Variants in LYPD6B observed in about 807,000 individuals in gnomAD.
The protein encoded by LYPD6B is ly6/PLAUR domain-containing protein 6B.
Under a neutral mutation model 22.8 loss-of-function variants are expected in LYPD6B, and 17 were observed. That is an observed-to-expected ratio of 0.75 (90% CI 0.51 to 1.12). The LOEUF (loss-of-function observed/expected upper bound fraction) is 1.12. Among genes scored for constraint, LYPD6B ranks in the 50% most tolerant of loss-of-function variants. The pLI is 0.00. For synonymous variants in LYPD6B, 106 were observed against 91.6 expected (o/e 1.16, Z -0.90); for missense variants, 221 against 258.3 (o/e 0.86, Z 0.99).
intron 1 of LYPD6B, among the ~76,000 whole-genome samples, chr2:149,040,217 CTCTCTT>C (rs1269461455): frequency 4.1e-4 from 2 of 4,856 alleles, no homozygotes; most frequent in Non-Finnish European, 0.013. Context: ...CTCTCTCTCT[CTCTCTT>C]TTTTTTTTTT....
chr2:149,168,618 C>T (rs890207700), intron 3 of LYPD6B, among the ~76,000 whole-genome samples: 1 of 152,134 alleles, frequency 6.6e-6, no homozygotes, highest in East Asian at 1.9e-4. Context: ...GCTGTGGCTC[C>T]CCATGCCTGT....
At chr2:149,046,141 A>G (rs1054660619) in intron 1 of LYPD6B, among the ~76,000 whole-genome samples, 2 of 152,014 alleles carry the variant, frequency 1.3e-5, no homozygotes, top group Non-Finnish European at 2.9e-5. Context: ...TTATTATGTG[A>G]TGTCCCTCTG....
intron 1 of LYPD6B, among the ~76,000 whole-genome samples, chr2:149,053,803 C>T (rs1006494895): frequency 2.6e-5 from 4 of 152,172 alleles, no homozygotes; most frequent in Non-Finnish European, 5.9e-5. Flanking sequence ...TTTGCCTTTG[C>T]CTGCTCTGGA....
intron 1 of LYPD6B, among the ~76,000 whole-genome samples, chr2:149,121,514 G>A (rs768055524): frequency 9.2e-5 from 14 of 152,202 alleles, no homozygotes; most frequent in Non-Finnish European, 1.6e-4. Flanking sequence ...CAAATGAAGA[G>A]GATGTCATGA....
intron 2 of LYPD6B, chr2:149,143,745 C>T (rs1404667825): frequency 1.3e-5 from 2 of 152,170 alleles, no homozygotes; most frequent in African/African-American, 4.8e-5. Flanking sequence ...ATGTGAACAG[C>T]TGCACAAGAA....
intron 1 of LYPD6B, among the ~76,000 whole-genome samples, chr2:149,072,521 T>TATTTTA (rs1553478980): frequency 7.0e-6 from 1 of 143,562 alleles, no homozygotes; most frequent in Non-Finnish European, 1.5e-5. Context: ...TATTTTATTT[T>TATTTTA]ATTTTATTTT....
chr2:149,100,580 G>A (rs1686154586), intron 1 of LYPD6B, among the ~76,000 whole-genome samples: 2 of 152,114 alleles, frequency 1.3e-5, no homozygotes, highest in African/African-American at 4.8e-5. Context: ...CTAAGACTGA[G>A]TAGAGGACCT....
chr2:149,202,083 A>C (rs1026730115), intron 3 of LYPD6B, among the ~76,000 whole-genome samples: 2 of 152,196 alleles, frequency 1.3e-5, no homozygotes, highest in African/African-American at 4.8e-5. Context: ...TTATTCTTAG[A>C]GAGACCTTTG....
At chr2:149,189,931 T>C (rs1241803747) in intron 3 of LYPD6B, among the ~76,000 whole-genome samples, 1 of 152,228 alleles carries the variant, frequency 6.6e-6, no homozygotes, top group Non-Finnish European at 1.5e-5. Flanking sequence ...GAGAGAACTA[T>C]TGAGCTTTAA....
intron 2 of LYPD6B, among the ~76,000 whole-genome samples, chr2:149,134,634 C>T (rs1368270721): frequency 1.3e-5 from 2 of 152,088 alleles, no homozygotes; most frequent in Non-Finnish European, 2.9e-5. Flanking sequence ...TGCCAACAAC[C>T]CCATTCTCTC....
At chr2:149,087,951 C>T (rs992585153) in intron 1 of LYPD6B, among the ~76,000 whole-genome samples, 6 of 152,256 alleles carry the variant, frequency 3.9e-5, no homozygotes, top group Middle Eastern at 3.4e-3. Flanking sequence ...TAGGGGGTAA[C>T]GCTCATCTCA....
intron 3 of LYPD6B, among the ~76,000 whole-genome samples, chr2:149,189,230 A>G (rs1010539077): frequency 4.0e-5 from 6 of 151,584 alleles, no homozygotes; most frequent in African/African-American, 1.5e-4. Context: ...CGTGGGAGAT[A>G]TGGAGCTATT....
intron 3 of LYPD6B, among the ~76,000 whole-genome samples, chr2:149,196,089 C>T (rs1205337741): frequency 1.3e-5 from 2 of 152,188 alleles, no homozygotes; most frequent in African/African-American, 2.4e-5. Context: ...CACTATTTAA[C>T]ATACATAATT....
At chr2:149,172,722 G>T (rs1385329401) in intron 3 of LYPD6B, among the ~76,000 whole-genome samples, 1 of 152,110 alleles carries the variant, frequency 6.6e-6, no homozygotes, top group Non-Finnish European at 1.5e-5. Flanking sequence ...CTTCTATGTA[G>T]GTGGGTACTG....
At chr2:149,110,276 A>G (rs1380647825) in intron 1 of LYPD6B, among the ~76,000 whole-genome samples, 1 of 152,088 alleles carries the variant, frequency 6.6e-6, no homozygotes, top group Non-Finnish European at 1.5e-5. Context: ...CCTTTGTCTG[A>G]TAATTCTAAC....
At chr2:149,202,559 T>C (rs1050276587) in intron 3 of LYPD6B, among the ~76,000 whole-genome samples, 1 of 152,242 alleles carries the variant, frequency 6.6e-6, no homozygotes, top group Admixed American at 6.5e-5. Context: ...TCTCACCTTA[T>C]TGTGTTTCCT....
intron 1 of LYPD6B, among the ~76,000 whole-genome samples, chr2:149,039,330 A>C (rs1011288444): frequency 6.6e-6 from 1 of 152,014 alleles, no homozygotes; most frequent in East Asian, 1.9e-4. Context: ...CCTACCTTAC[A>C]CATTGGTTAG....
intron 3 of LYPD6B, among the ~76,000 whole-genome samples, chr2:149,167,534 G>A (rs957542401): frequency 1.3e-5 from 2 of 152,170 alleles, no homozygotes; most frequent in African/African-American, 4.8e-5. Context: ...TGGTACGTGT[G>A]TGGGGAGGTA....
chr2:149,186,369 A>G (rs1692103925), intron 3 of LYPD6B, among the ~76,000 whole-genome samples: 1 of 152,242 alleles, frequency 6.6e-6, no homozygotes. Context: ...CCTAATCCAG[A>G]GCAAGGCCCT....
Sources: gnomAD v4.1 joint callset for allele counts (sites outside exome capture counted in the v4.1 genomes callset) on GRCh38, gnomAD v4.1.1 for gene constraint, MANE v1.5 for transcripts, NCBI Gene and HGNC (gene_info 2026-07-23, HGNC 2026-07-21) for gene names.